Variants in SOX5 observed in about 807,000 individuals in gnomAD.
The protein encoded by SOX5 is SRY-box transcription factor 5, also known as transcription factor SOX-5.
A neutral mutation model predicts 92.0 loss-of-function variants in SOX5; 9 were observed. The ratio of observed to expected loss-of-function variants is 0.10; its 90% CI spans 0.06 to 0.17. The LOEUF (loss-of-function observed/expected upper bound fraction) is 0.17. Ranked by LOEUF, SOX5 falls within the 10% of genes least tolerant of loss-of-function variation. SOX5 has a pLI of 1.00. For missense variants in SOX5, 642 were observed against 944.5 expected (o/e 0.68, Z 4.20); for synonymous variants, 344 against 336.3 (o/e 1.02, Z -0.25).
At chr12:24,549,388 A>G (rs1056544955) in intron 1 of SOX5, among the ~76,000 whole-genome samples, 5 of 152,244 alleles carry the variant, frequency 3.3e-5, no homozygotes, top group Admixed American at 1.3e-4. Flanking sequence ...GCACTCCAGA[A>G]ATATTTATTG....
intron 8 of SOX5, among the ~76,000 whole-genome samples, chr12:23,621,042 A>G (rs969225181): frequency 1.3e-5 from 2 of 152,112 alleles, no homozygotes; most frequent in Non-Finnish European, 2.9e-5. Flanking sequence ...ATTTGACACT[A>G]CATATTAGTT....
intron 1 of SOX5, among the ~76,000 whole-genome samples, chr12:24,428,184 A>G (rs923046016): frequency 6.6e-6 from 1 of 151,692 alleles, no homozygotes; most frequent in Non-Finnish European, 1.5e-5. Context: ...AAGATCGTTA[A>G]AAGAAGAGGT....
chr12:23,618,937 A>G (rs180920908), intron 8 of SOX5, among the ~76,000 whole-genome samples: 1 of 152,282 alleles, frequency 6.6e-6, no homozygotes, highest in Admixed American at 6.5e-5. Context: ...TTCCAAGGCC[A>G]AGGGTTAAAG....
At chr12:24,029,210 C>T (rs910629770) in intron 4 of SOX5, among the ~76,000 whole-genome samples, 1 of 151,952 alleles carries the variant, frequency 6.6e-6, no homozygotes, top group Admixed American at 6.6e-5. Context: ...CAGTTTTACA[C>T]TGCAGTTAAA....
chr12:23,737,163 C>A (rs575153210), intron 5 of SOX5, among the ~76,000 whole-genome samples: 1 of 152,150 alleles, frequency 6.6e-6, no homozygotes, highest in African/African-American at 2.4e-5. Flanking sequence ...CAACCTCCCA[C>A]GTACTTTCTC....
At chr12:23,890,282 T>G (rs1175561727) in intron 2 of SOX5, among the ~76,000 whole-genome samples, 3 of 150,320 alleles carry the variant, frequency 2.0e-5, no homozygotes, top group Non-Finnish European at 4.4e-5. Flanking sequence ...ACTATGTCAT[T>G]GCACTCCAGC....
At chr12:24,120,833 C>T (rs1365800499) in intron 4 of SOX5, among the ~76,000 whole-genome samples, 2 of 152,116 alleles carry the variant, frequency 1.3e-5, no homozygotes, top group East Asian at 1.9e-4. Flanking sequence ...TTTGGATAAA[C>T]GTTGAAAAAC....
intron 1 of SOX5, among the ~76,000 whole-genome samples, chr12:24,458,161 T>C (rs923789353): frequency 6.6e-6 from 1 of 152,226 alleles, no homozygotes; most frequent in East Asian, 1.9e-4. Context: ...AGTGTCTGTT[T>C]TTTTAAATTT....
chr12:23,901,978 T>C (rs11047153), intron 1 of SOX5, among the ~76,000 whole-genome samples: 2,756 of 152,300 alleles, frequency 0.018, 88 homozygotes, highest in African/African-American at 0.062. Flanking sequence ...TGGTAAGCTC[T>C]AATAATGTTT....
At chr12:23,742,580 T>A (rs974599673) in intron 4 of SOX5, among the ~76,000 whole-genome samples, 7 of 152,316 alleles carry the variant, frequency 4.6e-5, no homozygotes, top group African/African-American at 1.4e-4. Flanking sequence ...AACATCTTCC[T>A]ACATTGTTAA....
chr12:24,436,381 T>TGATA (rs1208101637), intron 1 of SOX5, among the ~76,000 whole-genome samples: 1 of 152,224 alleles, frequency 6.6e-6, no homozygotes, highest in East Asian at 1.9e-4. Flanking sequence ...GACTTCTGAC[T>TGATA]GATAAGGAGA....
At chr12:23,986,393 T>C (rs1052424834) in intron 4 of SOX5, among the ~76,000 whole-genome samples, 2 of 152,122 alleles carry the variant, frequency 1.3e-5, no homozygotes, top group African/African-American at 2.4e-5. Context: ...AAAGTAGGTA[T>C]CTTGTCAGAA....
At chr12:24,206,452 A>C (rs970481718) in intron 4 of SOX5, among the ~76,000 whole-genome samples, 2 of 152,166 alleles carry the variant, frequency 1.3e-5, no homozygotes. Context: ...TGTGCATTTG[A>C]CTATGTTATC....
chr12:23,737,083 T>G (rs1046513894), intron 5 of SOX5, among the ~76,000 whole-genome samples: 1 of 152,232 alleles, frequency 6.6e-6, no homozygotes, highest in African/African-American at 2.4e-5. Flanking sequence ...TCCTCCCACA[T>G]AGCAATATTT....
intron 3 of SOX5, among the ~76,000 whole-genome samples, chr12:23,838,843 T>TGGGCGGG (rs55896803): frequency 2.6e-5 from 1 of 38,148 alleles, no homozygotes; most frequent in Non-Finnish European, 5.1e-5. Context: ...TCTTTTTTTT[T>TGGGCGGG]GGGGGGGGGG....
intron 1 of SOX5, among the ~76,000 whole-genome samples, chr12:24,370,386 A>G (rs1956603246): frequency 6.9e-6 from 1 of 144,396 alleles, no homozygotes; most frequent in Non-Finnish European, 1.5e-5. Context: ...CCGAGGCAGG[A>G]GAATGGTGTG....
chr12:24,413,779 A>C (rs187791638), intron 1 of SOX5, among the ~76,000 whole-genome samples: 2 of 152,334 alleles, frequency 1.3e-5, no homozygotes, highest in East Asian at 3.9e-4. Context: ...AAATTCTAAG[A>C]GTGAGCATGT....
intron 4 of SOX5, among the ~76,000 whole-genome samples, chr12:24,082,511 A>G (rs1943485965): frequency 6.6e-6 from 1 of 150,886 alleles, no homozygotes; most frequent in South Asian, 2.1e-4. Context: ...AGTTGTTACA[A>G]TTAAGATTTT....
intron 1 of SOX5, among the ~76,000 whole-genome samples, chr12:23,913,219 T>C (rs900390600): frequency 6.6e-6 from 1 of 152,238 alleles, no homozygotes; most frequent in Non-Finnish European, 1.5e-5. Flanking sequence ...AACTTAAATA[T>C]ATGCTTTAAA....
Sources: gnomAD v4.1 joint callset for allele counts (sites outside exome capture counted in the v4.1 genomes callset) on GRCh38, gnomAD v4.1.1 for gene constraint, MANE v1.5 for transcripts, NCBI Gene and HGNC (gene_info 2026-07-23, HGNC 2026-07-21) for gene names.